The following STK32A variants were observed in gnomAD, a reference collection of about 807,000 sequenced individuals.
STK32A encodes the protein serine/threonine-protein kinase 32A.
Under a neutral mutation model 53.2 loss-of-function variants are expected in STK32A, and 41 were observed. That is an observed-to-expected ratio of 0.77 (90% CI 0.60 to 1.00). The LOEUF is 1.00. Ranked by LOEUF, STK32A falls within the 50% of genes least tolerant of loss-of-function variation. The pLI is 0.00. For missense variants in STK32A, 458 were observed against 485.8 expected, an observed-to-expected ratio of 0.94 and a Z score of 0.54; for synonymous variants, 166 against 162.8, an observed-to-expected ratio of 1.02 and a Z score of -0.15.
intron 6 of STK32A, among the ~76,000 whole-genome samples, chr5:147,349,671 T>C (rs1755864079): frequency 6.6e-6 from 1 of 152,120 alleles, no homozygotes; most frequent in Non-Finnish European, 1.5e-5. Context: ...GATCATTTAG[T>C]CTACTCCTTC....
chr5:147,371,702 T>C (rs1199157038), intron 9 of STK32A, among the ~76,000 whole-genome samples: 1 of 152,204 alleles, frequency 6.6e-6, no homozygotes, highest in Non-Finnish European at 1.5e-5. Context: ...ACATGATCAA[T>C]GGACTTATCT....
At chr5:147,348,701 G>A (rs1373849648) in intron 6 of STK32A, 1 of 774,192 alleles carries the variant, frequency 1.3e-6, no homozygotes, top group Admixed American at 1.7e-5. Flanking sequence ...ACAGATACCT[G>A]GCTCTCCTAC....
intron 2 of STK32A, 95 bp downstream of exon 2, chr5:147,239,781 G>A: frequency 2.1e-6 from 2 of 961,306 alleles, no homozygotes; most frequent in South Asian, 1.6e-5. Flanking sequence ...AGCATGGTCT[G>A]TAGGGCCTTG....
At chr5:147,279,450 C>T in intron 4 of STK32A, 52 bp downstream of exon 4, 18 of 1,507,450 alleles carry the variant, frequency 1.2e-5, no homozygotes, top group Non-Finnish European at 1.5e-5. Context: ...TATCGGTGGG[C>T]TAGGGGAGGT....
chr5:147,334,274 G>A (rs890547357), intron 5 of STK32A, among the ~76,000 whole-genome samples: 1 of 152,186 alleles, frequency 6.6e-6, no homozygotes, highest in African/African-American at 2.4e-5. Flanking sequence ...ACCTTAGAAA[G>A]TTCTTCTCTT....
At chr5:147,381,417 C>A (rs112993521) in intron 11 of STK32A, among the ~76,000 whole-genome samples, 2 of 151,946 alleles carry the variant, frequency 1.3e-5, no homozygotes, top group South Asian at 2.1e-4. Context: ...CTGAGGCAGG[C>A]GGATCACTTG....
intron 4 of STK32A, among the ~76,000 whole-genome samples, chr5:147,312,701 TA>T (rs1753763972): frequency 6.6e-6 from 1 of 152,158 alleles, no homozygotes; most frequent in Admixed American, 6.5e-5. Flanking sequence ...TTTCTGCTGT[TA>T]AAAACCTCTG....
At position 147,321,211 on chromosome 5, in the gene STK32A, T is replaced by C. The variant is rs560195685; in HGVS notation, c.261-2687T>C. Among the ~76,000 whole-genome samples the C allele has an allele frequency of 3.3e-5, 5 of 152,334 alleles. No individual in the cohort carries two copies. In the South Asian group the frequency reaches 1.0e-3, roughly 32 times the overall value. ...AGCCATGATAACCCACCAAAGAAAG[T>C]TGCAGAAATGCAAGAGCAAGGCTGT... On this transcript the variant is annotated intron_variant, in intron 4 of 12. Coordinates refer to ENST00000397936, the MANE Select transcript of STK32A (RefSeq NM_001112724.2).
chr5:147,341,304 A>G (rs940167042), intron 5 of STK32A, among the ~76,000 whole-genome samples: 13 of 152,170 alleles, frequency 8.5e-5, no homozygotes, highest in Non-Finnish European at 1.5e-5. Context: ...AGAGTATTTG[A>G]TGGTGTGCAC....
chr5:147,282,846 G>T (rs987539257), intron 4 of STK32A, among the ~76,000 whole-genome samples: 1 of 152,144 alleles, frequency 6.6e-6, no homozygotes, highest in African/African-American at 2.4e-5. Flanking sequence ...CAATAATAGT[G>T]AAGGATTTTA....
intron 2 of STK32A, among the ~76,000 whole-genome samples, chr5:147,275,626 T>C (rs1755224254): frequency 6.6e-6 from 1 of 152,190 alleles, no homozygotes; most frequent in African/African-American, 2.4e-5. Context: ...ATCCAGCCTC[T>C]TATAGTCACT....
In STK32A at chr5:147,383,066, C is replaced by G. The variant is rs534535517; in HGVS notation, c.1033-375C>G. Reference sequence around the variant, plus strand: ...AACATGTGTGTGCTCAGCTCCCTCCCATGGGGCTGGAGGATGAGGGATGGG... The same window carrying G: ...AACATGTGTGTGCTCAGCTCCCTCCGATGGGGCTGGAGGATGAGGGATGGG... On this transcript the variant is annotated intron_variant, in intron 11 of 12. Coordinates refer to ENST00000397936, the MANE Select transcript of STK32A (RefSeq NM_001112724.2). The G allele has an allele frequency of 1.3e-5, 3 of 233,904 alleles. No individual in the cohort carries two copies. In the East Asian group the frequency reaches 4.5e-4, roughly 35 times the overall value. 14.5% of individuals were successfully genotyped at this position (233,904 alleles called of 1,614,324 possible).
the STK32A span, chr5:147,399,342 G>A: frequency 4.9e-6 from 7 of 1,417,758 alleles, no homozygotes; most frequent in Non-Finnish European, 5.6e-6. Flanking sequence ...AACCCACAAA[G>A]GCATAGAAAT....
At chr5:147,366,170 C>T (rs555610493) in intron 8 of STK32A, among the ~76,000 whole-genome samples, 1 of 152,224 alleles carries the variant, frequency 6.6e-6, no homozygotes, top group African/African-American at 2.4e-5. Flanking sequence ...GATTTTGCTT[C>T]CATTTGTGTA....
chr5:147,239,907 A>G, intron 2 of STK32A: 1 of 517,656 alleles, frequency 1.9e-6, no homozygotes. Flanking sequence ...CACTATACCA[A>G]TGTCCTTTGT....
chr5:147,345,258 C>CTGTA (rs1432716685), intron 6 of STK32A, among the ~76,000 whole-genome samples: 1 of 152,124 alleles, frequency 6.6e-6, no homozygotes, highest in African/African-American at 2.4e-5. Context: ...CAAAAGAAAT[C>CTGTA]TTACAGGGAT....
chr5:147,270,324 C>A (rs972905791), intron 2 of STK32A, among the ~76,000 whole-genome samples: 23 of 152,130 alleles, frequency 1.5e-4, no homozygotes, highest in African/African-American at 5.1e-4. Flanking sequence ...GTAATCCTCC[C>A]ATCTTAGCCT....
At chr5:147,400,427 A>C in the STK32A span, among the ~76,000 whole-genome samples, 3 of 152,250 alleles carry the variant, frequency 2.0e-5, no homozygotes, top group Non-Finnish European at 4.4e-5. Context: ...CTATTCGTAC[A>C]CTCAGATGAA....
chr5:147,306,892 G>A (rs1041754468), intron 4 of STK32A, among the ~76,000 whole-genome samples: 3 of 152,024 alleles, frequency 2.0e-5, no homozygotes, highest in Non-Finnish European at 4.4e-5. Context: ...CTGACAATAG[G>A]CATATAGCCT....
Sources: allele counts gnomAD v4.1 joint callset (sites outside exome capture counted in the v4.1 genomes callset), GRCh38; gene constraint gnomAD v4.1.1; transcripts MANE v1.5; gene names NCBI Gene and HGNC (gene_info 2026-07-23, HGNC 2026-07-21).